Variants in MDN1 observed in about 807,000 individuals in gnomAD.
MDN1 encodes the protein midasin AAA ATPase 1.
A neutral mutation model predicts 669.2 loss-of-function variants in MDN1; 266 were observed. That is an observed-to-expected ratio of 0.40 (90% CI 0.36 to 0.44). The LOEUF is 0.44. MDN1 is among the 20% of genes least tolerant of loss of function. The pLI is 1.00. For missense variants in MDN1, 5,940 were observed against 6,754.0 expected, an observed-to-expected ratio of 0.88 and a Z score of 4.22; for synonymous variants, 2,385 against 2,457.1, an observed-to-expected ratio of 0.97 and a Z score of 0.87.
At chr6:89,809,475 A>C (rs1301027194) in intron 1 of MDN1, among the ~76,000 whole-genome samples, 1 of 151,932 alleles carries the variant, frequency 6.6e-6, no homozygotes, top group Non-Finnish European at 1.5e-5. Context: ...TACAAATAAT[A>C]CAAAAGTTAG....
At chr6:89,702,712 A>G (rs1813237266) in intron 53 of MDN1, among the ~76,000 whole-genome samples, 1 of 152,204 alleles carries the variant, frequency 6.6e-6, no homozygotes, top group Non-Finnish European at 1.5e-5. Flanking sequence ...CTCTCACAGT[A>G]TGTTCATAAA....
In MDN1 at chr6:89,650,041, C is replaced by T. The variant is rs772616413; in HGVS notation, c.16189G>A (p.Asp5397Asn). The change falls in exon 97 of 102, where the codon GAC becomes AAC. Residue 5397 changes from aspartate (D) to asparagine (N), a missense_variant. Coordinates refer to ENST00000369393, the MANE Select transcript of MDN1 (RefSeq NM_014611.3). ...LAIDDSSSMV[D>N]NHTKQLAFES... ...TTCCTTACCTGCTTGGTATGATTGTCTACCATACTAGAAGAGTCATCGATA... is the reference window on the plus strand; with the variant it reads ...TTCCTTACCTGCTTGGTATGATTGTTTACCATACTAGAAGAGTCATCGATA... 3 of 1,613,954 alleles carry T rather than the reference C, an allele frequency of 1.9e-6. No homozygotes were observed. In the African/African-American group the frequency reaches 4.0e-5, roughly 22 times the overall value.
intron 29 of MDN1, among the ~76,000 whole-genome samples, chr6:89,744,058 A>C (rs1816439101): frequency 6.8e-6 from 1 of 147,518 alleles, no homozygotes. Flanking sequence ...AGCCGAGATC[A>C]CGCCATTGCA....
At chr6:89,712,872 G>T in intron 47 of MDN1, 86 bp from the exon 48 acceptor site, 1 of 1,228,798 alleles carries the variant, frequency 8.1e-7, no homozygotes, top group South Asian at 1.3e-5. Flanking sequence ...TAGTCCATGC[G>T]ACCACCTCAC....
intron 20 of MDN1, among the ~76,000 whole-genome samples, chr6:89,755,590 A>G (rs529078109): frequency 3.9e-5 from 6 of 152,302 alleles, no homozygotes; most frequent in South Asian, 4.1e-4. Context: ...ATTAAGGAAG[A>G]GAAAAAATAC....
intron 59 of MDN1, among the ~76,000 whole-genome samples, chr6:89,697,726 G>A (rs373532420): frequency 6.6e-6 from 1 of 151,732 alleles, no homozygotes; most frequent in South Asian, 2.1e-4. Context: ...GGATTCAGGC[G>A]CACACCACTA....
At chr6:89,722,659 C>T (rs1368311587) in intron 40 of MDN1, among the ~76,000 whole-genome samples, 1 of 152,112 alleles carries the variant, frequency 6.6e-6, no homozygotes, top group South Asian at 2.1e-4. Flanking sequence ...ATCTGCCTGA[C>T]CAATATGGTG....
In MDN1 at chr6:89,794,017, A is replaced by G; in HGVS notation, c.663-63T>C. 4 of 1,448,820 alleles carry G rather than the reference A, an allele frequency of 2.8e-6. No homozygotes were observed. In the East Asian group the frequency reaches 6.8e-5, roughly 25 times the overall value. 89.7% of individuals were successfully genotyped at this position (1,448,820 alleles called of 1,614,324 possible). On this transcript the variant is annotated intron_variant, in intron 4 of 101. Coordinates refer to ENST00000369393, the MANE Select transcript of MDN1 (RefSeq NM_014611.3). ...TCAGAAATGCTATCGCAAGACCTGC[A>G]GTCACCTCTGGCCTGTCACCCCCAG...
At chr6:89,696,209 TA>T in intron 60 of MDN1, 150 bp downstream of exon 60, 1 of 1,064,806 alleles carries the variant, frequency 9.4e-7, no homozygotes, top group Non-Finnish European at 1.3e-6. Flanking sequence ...CAGCTCACGG[TA>T]GCCTGAAAAC....
rs932272205 is a variant in MDN1 at position 89,730,927 on chromosome 6, A to C, written c.4943-4T>G. The C allele has an allele frequency of 6.2e-7, 1 of 1,613,468 alleles. No homozygotes were observed. The highest frequency in any genetic ancestry group is 8.5e-7 in the Non-Finnish European group (1 of 1,179,622). On this transcript the variant is annotated splice_polypyrimidine_tract_variant and splice_region_variant and intron_variant, in intron 34 of 101. Transcript: ENST00000369393. Reference sequence around the variant, plus strand: ...CCAAACCCAGAGGAAGTTACCCCTAAAAGACAGAGGATCAGTCCATGAAGC... The same window carrying C: ...CCAAACCCAGAGGAAGTTACCCCTACAAGACAGAGGATCAGTCCATGAAGC...
At chr6:89,806,010 T>TC (rs1050585927) in intron 1 of MDN1, among the ~76,000 whole-genome samples, 1 of 152,028 alleles carries the variant, frequency 6.6e-6, no homozygotes, top group African/African-American at 2.4e-5. Context: ...AAATCACAGC[T>TC]CACTGCAGGC....
chr6:89,795,808 C>T (rs895736465), intron 2 of MDN1, among the ~76,000 whole-genome samples: 4 of 151,690 alleles, frequency 2.6e-5, no homozygotes, highest in African/African-American at 9.7e-5. Flanking sequence ...CAAAATTAGC[C>T]GGGCATGGTG....
chr6:89,652,802 C>T (rs1364725442), intron 94 of MDN1, among the ~76,000 whole-genome samples, 190 bp downstream of exon 94: 7 of 152,198 alleles, frequency 4.6e-5, no homozygotes, highest in African/African-American at 1.7e-4. Context: ...ATTGCTGGAA[C>T]AGTATCACGT....
chr6:89,667,788 T>C (rs941922014), intron 84 of MDN1, among the ~76,000 whole-genome samples: 7 of 152,136 alleles, frequency 4.6e-5, no homozygotes, highest in African/African-American at 1.7e-4. Flanking sequence ...TAAAAATCAT[T>C]TCCTCCATAA....
At chr6:89,721,817 T>A (rs1236548900) in intron 40 of MDN1, among the ~76,000 whole-genome samples, 1 of 151,874 alleles carries the variant, frequency 6.6e-6, no homozygotes, top group Non-Finnish European at 1.5e-5. Context: ...AGAAAAAAAA[T>A]AAGAACAAAC....
At chr6:89,691,863 A>C (rs975092676) in intron 63 of MDN1, among the ~76,000 whole-genome samples, 1 of 152,164 alleles carries the variant, frequency 6.6e-6, no homozygotes, top group African/African-American at 2.4e-5. Flanking sequence ...TCTGTTAACT[A>C]TGCTAAGATT....
chr6:89,701,044 A>G (rs767766515), intron 55 of MDN1, among the ~76,000 whole-genome samples, 188 bp from the exon 56 acceptor site: 22 of 152,236 alleles, frequency 1.4e-4, no homozygotes, highest in Non-Finnish European at 1.9e-4. Context: ...ACCCAGCCTT[A>G]ACAGTCTCAG....
chr6:89,801,825 A>C (rs1238896055), intron 2 of MDN1, among the ~76,000 whole-genome samples: 1 of 151,682 alleles, frequency 6.6e-6, no homozygotes, highest in African/African-American at 2.4e-5. Flanking sequence ...AGCCAGGTGT[A>C]GTGATGTGCA....
chr6:89,687,419 C>G lies in MDN1; in HGVS notation c.11375G>C (p.Ser3792Thr). 6.2e-7 allele frequency: 1 copy of G among 1,613,994 alleles called. No homozygotes were observed. Among genetic ancestry groups the G allele is most frequent in the Non-Finnish European group, 8.5e-7 (1 of 1,179,960 alleles). Residue 3792 changes from serine (S) to threonine (T), a missense_variant, in exon 68 of 102, where the codon AGT becomes ACT. Physicochemically the swap from Ser to Thr is moderately conservative, Grantham distance 58. Around this residue, in one of 5 missense-constraint regions of MDN1, gnomAD observed 2,280 missense variants for 2,576.3 expected, o/e 0.88. Coordinates refer to ENST00000369393, the MANE Select transcript of MDN1 (RefSeq NM_014611.3). ...ATGTTTCCGCAAAGACAAAGCTCGA[C>G]TTGCATTTTCCTCCCAATCCTAAAG... ...AKAQDWEENASRALSLRKHLD... is the reference protein window; with the variant it reads ...AKAQDWEENATRALSLRKHLD...
Sources: gnomAD v4.1 joint callset for allele counts (sites outside exome capture counted in the v4.1 genomes callset) on GRCh38, gnomAD v4.1.1 for gene constraint, gnomAD v4.1.1 regional missense constraint, MANE v1.5 for transcripts, NCBI Gene and HGNC (gene_info 2026-07-23, HGNC 2026-07-21) for gene names.